Variants in HERC2 observed in about 807,000 individuals in gnomAD.
HERC2 encodes E3 ubiquitin-protein ligase HERC2.
In HERC2, 102 loss-of-function variants were observed where a neutral mutation model predicts 537.7. The ratio of observed to expected loss-of-function variants is 0.19; its 90% CI spans 0.16 to 0.22. The LOEUF is 0.22. Among genes scored for constraint, HERC2 ranks in the 10% least tolerant of loss-of-function variants. The pLI is 1.00. For synonymous variants in HERC2, 2,224 were observed against 2,466.2 expected (o/e 0.90, Z 2.91); for missense variants, 4,236 against 6,198.2 (o/e 0.68, Z 10.63).
rs2525894 is a variant in HERC2 at position 28,226,549 on chromosome 15, T to A, written c.5464+1669A>T. On this transcript the variant is annotated intron_variant, in intron 35 of 92. Coordinates refer to ENST00000261609, the MANE Select transcript of HERC2 (RefSeq NM_004667.6). ...AAGTGGTATTGAAACAATCAGATCA[T>A]CAAAAAAAACAGGTTGGACTCTTAC... is the stretch of plus-strand genomic sequence containing the variant. Among the ~76,000 whole-genome samples the A allele has an allele frequency of 2.1e-3, 312 of 151,944 alleles. 1 individual carries two copies. The highest frequency in any genetic ancestry group is 7.1e-3 in the African/African-American group (295 of 41,460).
At chr15:28,304,702 ATTTTTTTTTTT>A (rs780900477) in intron 2 of HERC2, among the ~76,000 whole-genome samples, 2 of 108,322 alleles carry the variant, frequency 1.8e-5, no homozygotes, top group East Asian at 4.6e-4. Context: ...AAGGGCTTCC[ATTTTTTTTTTT>A]TTTTTTTTTT....
Position 28,132,788 on chromosome 15 carries a change from A to T in HERC2, c.12273T>A (p.Ile4091=), listed in dbSNP as rs770354502. The T allele has an allele frequency of 2.5e-6, 4 of 1,600,066 alleles. No individual in the cohort carries two copies. In the South Asian group the frequency reaches 4.5e-5, roughly 18 times the overall value. The change falls in exon 80 of 93, where the codon ATT becomes ATA. Residue 4091 remains isoleucine (I), a synonymous_variant. Coordinates refer to ENST00000261609, the MANE Select transcript of HERC2 (RefSeq NM_004667.6). ...CGCCAGCAGCAACATCGACCACTTC[A>T]ATTCCTCTCAGAGACTCGATGACAC... ...RPRVIESLRG[I]EVVDVAAGGA...
At chr15:28,157,458 C>G (rs1893125089) in intron 69 of HERC2, among the ~76,000 whole-genome samples, 1 of 152,144 alleles carries the variant, frequency 6.6e-6, no homozygotes, top group African/African-American at 2.4e-5. Context: ...CAACTTCTTC[C>G]TGGTTTAGTC....
chr15:28,270,908 A>G (rs1183060583), intron 9 of HERC2, 40 bp from the exon 10 acceptor site: 1 of 1,578,142 alleles, frequency 6.3e-7, no homozygotes, highest in Non-Finnish European at 8.7e-7. Context: ...AAATGGTGGG[A>G]AAAATTAAAG....
Position 28,236,978 on chromosome 15 carries a change from C to T in HERC2, c.3988G>A (p.Glu1330Lys). ...ATTTTCTTACTGGCACATTCAATCT[C>T]GACAGGAGACAGCGGTGTGCTCATT... Reference protein sequence around the residue: ...LAMSTPLSPVEIECAKWLQSS... With the variant: ...LAMSTPLSPVKIECAKWLQSS... Residue 1330 changes from glutamate to lysine, a missense_variant, in exon 26 of 93, where the codon GAG becomes AAG. By Grantham distance (56) the Glu-to-Lys change is moderately conservative. This residue lies in a region of HERC2 where 754 missense variants were observed against 1,085.0 expected (regional missense o/e 0.69). Coordinates refer to ENST00000261609, the MANE Select transcript of HERC2 (RefSeq NM_004667.6). The T allele has an allele frequency of 3.1e-6, 5 of 1,611,832 alleles. No homozygotes were observed. Among genetic ancestry groups the T allele is most frequent in the Non-Finnish European group, 4.2e-6 (5 of 1,179,752 alleles).
intron 48 of HERC2, among the ~76,000 whole-genome samples, chr15:28,199,730 T>A (rs991159030): frequency 6.6e-6 from 1 of 152,146 alleles, no homozygotes; most frequent in Non-Finnish European, 1.5e-5. Context: ...CCTGTTGAGA[T>A]GGGGCCGGAG....
At chr15:28,280,003 G>A (rs1567110971) in intron 5 of HERC2, 65 bp downstream of exon 5, 2 of 1,316,210 alleles carry the variant, frequency 1.5e-6, no homozygotes, top group Non-Finnish European at 2.1e-6. Context: ...TAAACTTTCT[G>A]AAACAAAACA....
intron 20 of HERC2, among the ~76,000 whole-genome samples, chr15:28,249,767 C>T (rs2140840302): frequency 6.6e-6 from 1 of 152,136 alleles, no homozygotes; most frequent in Non-Finnish European, 1.5e-5. Flanking sequence ...CTGCCTCAGC[C>T]TCCCGAGTAG....
chr15:28,214,952 A>C (rs1323678673), intron 39 of HERC2, 150 bp from the exon 40 acceptor site: 1 of 636,796 alleles, frequency 1.6e-6, no homozygotes, highest in Admixed American at 2.9e-5. Context: ...GGCTCACTAC[A>C]AACTCCCACC....
chr15:28,214,834 TAAAA>T (rs770328128), intron 39 of HERC2, 32 bp from the exon 40 acceptor site: 1 of 1,568,528 alleles, frequency 6.4e-7, no homozygotes, highest in Non-Finnish European at 8.7e-7. Flanking sequence ...CGACAAGCAT[TAAAA>T]AAAATCTGAT....
intron 52 of HERC2, among the ~76,000 whole-genome samples, chr15:28,192,734 T>C (rs528865373): frequency 4.9e-4 from 74 of 152,300 alleles, no homozygotes; most frequent in African/African-American, 1.8e-3. Flanking sequence ...TGTTCCCTGA[T>C]GGCATCACCA....
chr15:28,288,535 CA>C lies in HERC2; in HGVS notation c.322+4352del, dbSNP rs1216166029. 5.6e-3 allele frequency among the ~76,000 whole-genome samples: 465 copies of C among 82,394 alleles called. 2 individuals are homozygous for C. Among genetic ancestry groups the C allele is most frequent in the East Asian group, 0.015 (43 of 2,898 alleles). 54.1% of individuals were successfully genotyped at this position (82,394 alleles called of 152,430 possible). A position where few individuals can be genotyped will look rare whatever the true frequency, so the allele number is the denominator to read the frequency against. On this transcript the variant is annotated intron_variant, in intron 4 of 92. Transcript: ENST00000261609. ...GGGCAACAAGACCAAAACTCCGACTCAAAAAAAAAAAAAAAAAGAGGCCAGG... is the reference window on the plus strand; with the variant it reads ...GGGCAACAAGACCAAAACTCCGACTCAAAAAAAAAAAAAAAAGAGGCCAGG...
At chr15:28,321,184 C>G (rs2077218747) in intron 2 of HERC2, among the ~76,000 whole-genome samples, 178 bp downstream of exon 2, 3 of 152,060 alleles carry the variant, frequency 2.0e-5, no homozygotes, top group South Asian at 2.1e-4. Context: ...CAGCCGCGCA[C>G]GATCTACAAA....
intron 3 of HERC2, among the ~76,000 whole-genome samples, chr15:28,298,349 T>G (rs1195417383): frequency 4.3e-5 from 6 of 139,276 alleles, no homozygotes; most frequent in South Asian, 2.5e-4. Context: ...GAGACGGGGT[T>G]TCACCATGTT....
intron 2 of HERC2, among the ~76,000 whole-genome samples, chr15:28,313,255 G>A (rs1013652668): frequency 6.7e-3 from 901 of 134,922 alleles, no homozygotes; most frequent in South Asian, 8.9e-3. Context: ...GTGCAGTGGC[G>A]CCATCTTGGC....
At position 28,113,906 on chromosome 15, in the gene HERC2, C is replaced by T. The variant is rs1887936071; in HGVS notation, c.13914-228G>A. 6.6e-6 allele frequency among the ~76,000 whole-genome samples: 1 copy of T among 152,186 alleles called. No homozygotes were observed. The highest frequency in any genetic ancestry group is 2.1e-4 in the South Asian group (1 of 4,828). On this transcript the variant is annotated intron_variant, in intron 90 of 92. Coordinates refer to ENST00000261609, the MANE Select transcript of HERC2 (RefSeq NM_004667.6). This position sits in a 1 kb window ranked among gnomAD's most constrained non-coding sequence, Gnocchi z 7.0. ...CAGGGTACGGCCTAATGACCACCTACAGCTATGCACACCCCAAGACGCCAC... is the reference window on the plus strand; with the variant it reads ...CAGGGTACGGCCTAATGACCACCTATAGCTATGCACACCCCAAGACGCCAC...
chr15:28,219,445 A>G (rs1900282855), intron 37 of HERC2, among the ~76,000 whole-genome samples: 2 of 152,226 alleles, frequency 1.3e-5, no homozygotes, highest in African/African-American at 2.4e-5. Context: ...GCAGCATGCT[A>G]TAGGCTGGAT....
chr15:28,255,443 T>TATTTTTTATAATA (rs2075227340), intron 19 of HERC2, among the ~76,000 whole-genome samples: 1 of 152,014 alleles, frequency 6.6e-6, no homozygotes, highest in African/African-American at 2.4e-5. Context: ...AAAAAAGAAG[T>TATTTTTTATAATA]CACAATACAC....
At chr15:28,194,068 CTTT>C (rs773769951) in intron 52 of HERC2, among the ~76,000 whole-genome samples, 2 of 138,482 alleles carry the variant, frequency 1.4e-5, no homozygotes, top group African/African-American at 2.6e-5. Flanking sequence ...ATCCTTTGAC[CTTT>C]TTTTTTTTTT....
Sources: gnomAD v4.1 joint callset for allele counts (sites outside exome capture counted in the v4.1 genomes callset) on GRCh38, gnomAD v4.1.1 for gene constraint, gnomAD v4.1.1 regional missense constraint, Gnocchi (gnomAD v3.1) non-coding constraint, MANE v1.5 for transcripts, NCBI Gene and HGNC (gene_info 2026-07-23, HGNC 2026-07-21) for gene names.